Variants in DOCK2 observed in about 807,000 individuals in gnomAD.
DOCK2 encodes the protein dedicator of cytokinesis protein 2.
Under a neutral mutation model 248.9 loss-of-function variants are expected in DOCK2, and 87 were observed. The ratio of observed to expected loss-of-function variants is 0.35; its 90% confidence interval spans 0.29 to 0.42. The LOEUF is 0.42. Among genes scored for constraint, DOCK2 ranks in the 10% least tolerant of loss-of-function variants. The pLI is 1.00. For synonymous variants in DOCK2, 805 were observed against 821.6 expected (o/e 0.98, Z 0.35); for missense variants, 1,747 against 2,300.2 (o/e 0.76, Z 4.92).
At position 170,028,764 on chromosome 5, in the gene DOCK2, C is replaced by G. The variant is rs1167428584; in HGVS notation, c.3467+816C>G. Among the ~76,000 whole-genome samples the G allele has an allele frequency of 7.9e-5, 12 of 151,826 alleles. No homozygotes were observed. The South Asian group carries it at 2.1e-3, about 27-fold the overall frequency. On this transcript the variant is annotated intron_variant, in intron 34 of 51. Coordinates refer to ENST00000520908, the MANE Select transcript of DOCK2 (RefSeq NM_004946.3). ...CAACACACACACACACACACACACACACACGCGTGCGCACACACACCCAAA... is the reference window on the plus strand; with the variant it reads ...CAACACACACACACACACACACACAGACACGCGTGCGCACACACACCCAAA...
intron 32 of DOCK2, among the ~76,000 whole-genome samples, chr5:170,018,415 T>C (rs1320211326): frequency 6.6e-6 from 1 of 152,160 alleles, no homozygotes; most frequent in Non-Finnish European, 1.5e-5. Flanking sequence ...GGGAATGCCT[T>C]GAAATGAGGC....
chr5:169,663,052 T>C (rs1308258662), intron 2 of DOCK2, among the ~76,000 whole-genome samples: 2 of 152,120 alleles, frequency 1.3e-5, no homozygotes, highest in African/African-American at 4.8e-5. Context: ...CAAGATACAA[T>C]GGGGGTACAA....
At chr5:169,648,228 A>T (rs191880558) in intron 1 of DOCK2, among the ~76,000 whole-genome samples, 1 of 152,012 alleles carries the variant, frequency 6.6e-6, no homozygotes, top group Non-Finnish European at 1.5e-5. Context: ...GCACTGTAGG[A>T]TGTTTAGCAG....
In DOCK2 at chr5:169,718,640, T is replaced by C. The variant is rs376403068; in HGVS notation, c.2133-17T>C. ...TGATGAAAGAGATGTATTTTGAAAA[T>C]ATTATCCCTTATTCAGGAAATTGAT... On this transcript the variant is annotated splice_polypyrimidine_tract_variant and intron_variant, in intron 21 of 51. Coordinates refer to ENST00000520908, the MANE Select transcript of DOCK2 (RefSeq NM_004946.3). 7 of 1,607,288 alleles carry C rather than the reference T, an allele frequency of 4.4e-6. No homozygotes were observed. In the African/African-American group the frequency reaches 8.0e-5, roughly 18 times the overall value.
At position 170,045,857 on chromosome 5, in the gene DOCK2, A is replaced by C; in HGVS notation, c.3918A>C (p.Glu1306Asp). 2 of 1,614,186 alleles carry C rather than the reference A, an allele frequency of 1.2e-6. No homozygotes were observed. The highest frequency in any genetic ancestry group is 1.7e-6 in the Non-Finnish European group (2 of 1,180,016). ...EAISLCKELA[E>D]QYEMEIFDYE... ...TAAGTCTGTGCAAGGAGCTGGCGGA[A>C]CAGTACGAGATGGAGATCTTTGACT... Residue 1306 changes from glutamate (E) to aspartate (D), a missense_variant, in exon 39 of 52, where the codon GAA becomes GAC. This residue lies in a region of DOCK2 where 858 missense variants were observed against 1,183.5 expected (regional missense o/e 0.72). Coordinates refer to ENST00000520908, the MANE Select transcript of DOCK2 (RefSeq NM_004946.3).
At chr5:170,038,751 G>A (rs999904371) in intron 36 of DOCK2, among the ~76,000 whole-genome samples, 3 of 152,178 alleles carry the variant, frequency 2.0e-5, no homozygotes, top group Non-Finnish European at 4.4e-5. Context: ...CTTCTTTTGG[G>A]TTCTGTAGCA....
intron 32 of DOCK2, among the ~76,000 whole-genome samples, chr5:170,015,431 T>C (rs1177356619): frequency 6.6e-6 from 1 of 152,064 alleles, no homozygotes; most frequent in East Asian, 1.9e-4. Flanking sequence ...GCTGGGCAAG[T>C]CCTGAACAAT....
intron 27 of DOCK2, among the ~76,000 whole-genome samples, chr5:169,919,329 T>C (rs73325985): frequency 0.019 from 2,957 of 152,246 alleles, 98 homozygotes; most frequent in African/African-American, 0.068. Flanking sequence ...ATGCTCTCCT[T>C]GAAGGTTTAT....
intron 24 of DOCK2, 178 bp from the exon 25 acceptor site, chr5:169,761,341 A>G: frequency 5.0e-6 from 3 of 601,592 alleles, no homozygotes; most frequent in Non-Finnish European, 8.9e-6. Context: ...TAATGCTACT[A>G]ATATTCTATA....
intron 22 of DOCK2, among the ~76,000 whole-genome samples, chr5:169,719,353 G>GAAGAACA (rs1335255695): frequency 6.6e-6 from 1 of 152,196 alleles, no homozygotes; most frequent in Non-Finnish European, 1.5e-5. Context: ...GCAATTTATA[G>GAAGAACA]AAGAACAATT....
chr5:169,879,592 AG>A (rs1482604298), intron 27 of DOCK2, among the ~76,000 whole-genome samples: 2 of 152,220 alleles, frequency 1.3e-5, no homozygotes, highest in Non-Finnish European at 1.5e-5. Flanking sequence ...TAACCCAACC[AG>A]GGGTGTAACT....
intron 27 of DOCK2, among the ~76,000 whole-genome samples, chr5:169,907,086 T>C (rs1774323409): frequency 6.6e-6 from 1 of 152,100 alleles, no homozygotes; most frequent in Non-Finnish European, 1.5e-5. Context: ...AACATAAATA[T>C]GAGGTTTTAG....
chr5:169,922,360 A>G (rs1371503965), intron 27 of DOCK2, among the ~76,000 whole-genome samples: 1 of 152,248 alleles, frequency 6.6e-6, no homozygotes, highest in Non-Finnish European at 1.5e-5. Context: ...TAATGTTAAT[A>G]CATAAAAATA....
At chr5:169,834,740 C>G (rs964841636) in intron 26 of DOCK2, among the ~76,000 whole-genome samples, 3 of 151,642 alleles carry the variant, frequency 2.0e-5, no homozygotes, top group African/African-American at 7.3e-5. Context: ...AGACCACAAG[C>G]CCTACTCACA....
At chr5:169,831,251 G>A (rs1258145321) in intron 26 of DOCK2, among the ~76,000 whole-genome samples, 3 of 151,966 alleles carry the variant, frequency 2.0e-5, no homozygotes, top group Non-Finnish European at 4.4e-5. Context: ...ATGGTACTCT[G>A]TAGTCTCTTT....
At chr5:169,800,924 CTTT>C (rs1766923960) in intron 25 of DOCK2, among the ~76,000 whole-genome samples, 1 of 83,876 alleles carries the variant, frequency 1.2e-5, no homozygotes, top group African/African-American at 5.8e-5. Context: ...TTTTCTTTTT[CTTT>C]TTTCTTTTCT....
intron 43 of DOCK2, chr5:170,056,974 G>A: frequency 1.8e-6 from 1 of 557,980 alleles, no homozygotes. Flanking sequence ...CCTTAATACA[G>A]AACCCAGGCC....
chr5:169,851,305 T>C (rs1293235721), intron 27 of DOCK2, among the ~76,000 whole-genome samples: 1 of 152,182 alleles, frequency 6.6e-6, no homozygotes, highest in Non-Finnish European at 1.5e-5. Context: ...TAGCTCTGGG[T>C]GACAGAATTT....
At chr5:169,644,941 A>G (rs1429600882) in intron 1 of DOCK2, among the ~76,000 whole-genome samples, 3 of 152,174 alleles carry the variant, frequency 2.0e-5, no homozygotes, top group Non-Finnish European at 4.4e-5. Flanking sequence ...GATGGCTTCC[A>G]GCTTTATCCC....
Sources: allele counts gnomAD v4.1 joint callset (sites outside exome capture counted in the v4.1 genomes callset), GRCh38; gene constraint gnomAD v4.1.1; regional missense constraint gnomAD v4.1.1; transcripts MANE v1.5; gene names NCBI Gene and HGNC (gene_info 2026-07-23, HGNC 2026-07-21).